The following PREX2 variants were observed in gnomAD, a reference collection of about 807,000 sequenced individuals.
The protein encoded by PREX2 is phosphatidylinositol 3,4,5-trisphosphate-dependent Rac exchanger 2 protein.
In PREX2, 107 loss-of-function variants were observed where a neutral mutation model predicts 203.2. The observed-to-expected ratio is 0.53, with a 90% CI of 0.45 to 0.62. PREX2 has a LOEUF of 0.62. PREX2 is among the 20% of genes least tolerant of loss of function. The pLI, the probability that PREX2 is intolerant of heterozygous loss-of-function variation, is 0.00. For missense variants in PREX2, 1,777 were observed against 1,955.9 expected (o/e 0.91, Z 1.72); for synonymous variants, 672 against 663.6 (o/e 1.01, Z -0.19).
At chr8:68,066,066 G>A (rs1006721575) in intron 11 of PREX2, among the ~76,000 whole-genome samples, 6 of 152,054 alleles carry the variant, frequency 3.9e-5, no homozygotes, top group Admixed American at 3.9e-4. Flanking sequence ...TACTCTCTTA[G>A]CAATTTTCAA....
chr8:67,960,554 A>G (rs1337425174), intron 1 of PREX2, among the ~76,000 whole-genome samples: 2 of 152,102 alleles, frequency 1.3e-5, no homozygotes, highest in Non-Finnish European at 2.9e-5. Flanking sequence ...TAGGGAATGC[A>G]GGAGAGGGAG....
chr8:68,127,001 T>C (rs774634020), intron 30 of PREX2, among the ~76,000 whole-genome samples: 6 of 152,040 alleles, frequency 3.9e-5, no homozygotes, highest in Non-Finnish European at 7.4e-5. Context: ...TGCTAGTGAT[T>C]ACAACAGTTG....
chr8:68,211,405 G>A (rs574196691), intron 37 of PREX2, among the ~76,000 whole-genome samples: 32 of 152,254 alleles, frequency 2.1e-4, no homozygotes, highest in African/African-American at 7.0e-4. Flanking sequence ...TTAAATAGTT[G>A]AAATATGATG....
chr8:68,188,762 C>T (rs988792268), intron 35 of PREX2, among the ~76,000 whole-genome samples: 1 of 152,042 alleles, frequency 6.6e-6, no homozygotes, highest in African/African-American at 2.4e-5. Flanking sequence ...GAAACAACCC[C>T]CATGATTCAA....
intron 7 of PREX2, among the ~76,000 whole-genome samples, chr8:68,038,641 C>T (rs1046207693): frequency 6.6e-6 from 1 of 152,052 alleles, no homozygotes; most frequent in East Asian, 1.9e-4. Flanking sequence ...CAATCATTTC[C>T]CCCTCTTCCT....
chr8:68,087,638 T>G, intron 18 of PREX2, 86 bp from the exon 19 acceptor site: 1 of 947,022 alleles, frequency 1.1e-6, no homozygotes, highest in Non-Finnish European at 1.7e-6. Context: ...ATGTATTTAT[T>G]GAGAGGTGTA....
intron 25 of PREX2, among the ~76,000 whole-genome samples, chr8:68,113,402 C>A (rs1344777556): frequency 6.6e-6 from 1 of 152,158 alleles, no homozygotes; most frequent in Admixed American, 6.5e-5. Flanking sequence ...ATTCAGAGTT[C>A]ATCTGTCTGT....
intron 38 of PREX2, among the ~76,000 whole-genome samples, chr8:68,221,363 T>C (rs1423738591): frequency 1.3e-5 from 2 of 152,188 alleles, no homozygotes; most frequent in Non-Finnish European, 2.9e-5. Context: ...AACTTCAGTG[T>C]TGGCTATCTG....
chr8:68,080,719 C>T (rs961780046), intron 16 of PREX2, 27 bp from the exon 17 acceptor site: 1 of 1,492,504 alleles, frequency 6.7e-7, no homozygotes, highest in Non-Finnish European at 9.2e-7. Context: ...GTTGCTTTAT[C>T]AATAATGTTA....
intron 8 of PREX2, 36 bp downstream of exon 8, chr8:68,044,626 A>G: frequency 7.0e-7 from 1 of 1,419,154 alleles, no homozygotes. Flanking sequence ...GGATGCCAAT[A>G]GTAAATAGAA....
At chr8:68,072,442 C>G (rs1342220236) in intron 13 of PREX2, 53 bp from the exon 14 acceptor site, 1 of 962,580 alleles carries the variant, frequency 1.0e-6, no homozygotes, top group Non-Finnish European at 1.7e-6. Context: ...CTTACCTACC[C>G]TCTTGCTTAA....
At chr8:68,089,828 T>C (rs1410255435) in intron 19 of PREX2, among the ~76,000 whole-genome samples, 1 of 152,240 alleles carries the variant, frequency 6.6e-6, no homozygotes, top group Non-Finnish European at 1.5e-5. Flanking sequence ...ATTATTTGCA[T>C]TGTATTCATT....
chr8:68,168,185 G>A (rs1811801310), intron 35 of PREX2, among the ~76,000 whole-genome samples: 1 of 151,980 alleles, frequency 6.6e-6, no homozygotes, highest in Non-Finnish European at 1.5e-5. Context: ...CGTTTATCTT[G>A]GTATCACCCA....
intron 10 of PREX2, among the ~76,000 whole-genome samples, chr8:68,060,242 T>C (rs1808807587): frequency 6.6e-6 from 1 of 152,212 alleles, no homozygotes; most frequent in Non-Finnish European, 1.5e-5. Flanking sequence ...TCTCTGTGCC[T>C]GGGAACCACA....
chr8:68,046,949 T>G (rs1250510375), intron 8 of PREX2, among the ~76,000 whole-genome samples: 1 of 152,066 alleles, frequency 6.6e-6, no homozygotes, highest in African/African-American at 2.4e-5. Context: ...GATCAATTAA[T>G]GTACCCCAAT....
chr8:68,132,311 A>G (rs891594448), intron 31 of PREX2, among the ~76,000 whole-genome samples: 2 of 151,592 alleles, frequency 1.3e-5, no homozygotes, highest in African/African-American at 4.8e-5. Flanking sequence ...CAGTTTAGAG[A>G]TTTTATAGTT....
rs768347381 is a variant in PREX2, at chr8:68,192,489, C to T, written c.4568C>T (p.Ala1523Val). 5 of 1,613,214 alleles carry T rather than the reference C, an allele frequency of 3.1e-6. No individual in the cohort carries two copies. The South Asian group carries it at 4.4e-5, about 14-fold the overall frequency. The change falls in exon 37 of 40, where the codon GCC (alanine) becomes GTC (valine). Residue 1523 changes from alanine to valine, a missense_variant. Coordinates refer to ENST00000288368, the MANE Select transcript of PREX2 (RefSeq NM_024870.4). ...VSSELCNRLG[A>V]CHIIMCSSGV... ...TCGGAGCTGTGCAACAGGCTGGGCG[C>T]CTGCCACATCATCATGTGCAGCAGC...
chr8:68,001,654 C>T (rs931176850), intron 1 of PREX2, among the ~76,000 whole-genome samples: 2 of 152,150 alleles, frequency 1.3e-5, no homozygotes, highest in Non-Finnish European at 2.9e-5. Flanking sequence ...TGTATGTTCA[C>T]TGCATCACTA....
chr8:67,970,229 C>A (rs527265876), intron 1 of PREX2, among the ~76,000 whole-genome samples: 1 of 152,208 alleles, frequency 6.6e-6, no homozygotes, highest in South Asian at 2.1e-4. Flanking sequence ...AAATCTATTC[C>A]TTGGAGTCAT....
Sources: gnomAD v4.1 joint callset for allele counts (sites outside exome capture counted in the v4.1 genomes callset) on GRCh38, gnomAD v4.1.1 for gene constraint, MANE v1.5 for transcripts, NCBI Gene and HGNC (gene_info 2026-07-23, HGNC 2026-07-21) for gene names.